MTOR: variants seen among roughly 807,000 people sequenced by gnomAD.
MTOR encodes serine/threonine-protein kinase mTOR.
A neutral mutation model predicts 319.8 loss-of-function variants in MTOR; 70 were observed. The observed-to-expected ratio is 0.22, with a 90% CI of 0.18 to 0.27. The LOEUF is 0.27. Among genes scored for constraint, MTOR ranks in the 10% least tolerant of loss-of-function variants. The pLI, the probability that MTOR is intolerant of heterozygous loss-of-function variation, is 1.00. For missense variants in MTOR, 1,890 were observed against 3,274.4 expected (o/e 0.58, Z 10.32); for synonymous variants, 1,183 against 1,211.4 (o/e 0.98, Z 0.49).
Position 11,121,197 on chromosome 1 carries a change from C to A in MTOR, c.6933+49G>T, listed in dbSNP as rs749194038. 3.1e-6 allele frequency: 5 copies of A among 1,605,764 alleles called. No individual in the cohort carries two copies. The Admixed American group carries it at 5.0e-5, about 16-fold the overall frequency. On this transcript the variant is annotated intron_variant, in intron 49 of 57. Coordinates refer to ENST00000361445, the MANE Select transcript of MTOR (RefSeq NM_004958.4). The surrounding 1 kb of genome is among the most constrained non-coding windows in gnomAD (Gnocchi z 4.9). ...AACAGATGGGAGGGCCATCCTATTG[C>A]GAGTGGGGGTTCCAGGAGAGCGCAG...
chr1:11,243,702 A>C (rs1229586836), intron 8 of MTOR, among the ~76,000 whole-genome samples: 1 of 151,608 alleles, frequency 6.6e-6, no homozygotes, highest in East Asian at 1.9e-4. Flanking sequence ...AAAAAAAAAA[A>C]CCCAAAAAAC....
At chr1:11,248,170 C>A in intron 6 of MTOR, 76 bp from the exon 7 acceptor site, 2 of 1,438,836 alleles carry the variant, frequency 1.4e-6, no homozygotes, top group Non-Finnish European at 1.9e-6. Context: ...ATTCTACAGA[C>A]AATTACATTT....
At chr1:11,257,726 T>TA (rs1650601472) in intron 3 of MTOR, among the ~76,000 whole-genome samples, 1 of 152,166 alleles carries the variant, frequency 6.6e-6, no homozygotes, top group Admixed American at 6.6e-5. Context: ...CTCATGCTAG[T>TA]ATAATTTTCT....
Position 11,127,807 on chromosome 1 carries a change from C to T in MTOR, c.6034-1G>A, listed in dbSNP as rs2100409469. ...CCACTCGGATCAGCTCCTCGCTCAC[C>T]TGAAGCCAAGAGAAGAAGGAGAGAA... On this transcript the variant is annotated splice_acceptor_variant, in intron 43 of 57. Coordinates refer to ENST00000361445, the MANE Select transcript of MTOR (RefSeq NM_004958.4). LOFTEE classifies it high-confidence loss of function. This position sits in a 1 kb window ranked among gnomAD's most constrained non-coding sequence, Gnocchi z 5.5. The T allele has an allele frequency of 6.2e-7, 1 of 1,609,936 alleles. No homozygotes were observed. The highest frequency in any genetic ancestry group is 8.5e-7 in the Non-Finnish European group (1 of 1,178,004).
rs1352606234 is a variant in MTOR at position 11,129,213 on chromosome 1, A to G, written c.5715-262T>C. 1.3e-5 allele frequency among the ~76,000 whole-genome samples: 2 copies of G among 152,218 alleles called. No homozygotes were observed. The highest frequency in any genetic ancestry group is 2.9e-5 in the Non-Finnish European group (2 of 68,040). On this transcript the variant is annotated intron_variant, in intron 40 of 57. Coordinates refer to ENST00000361445, the MANE Select transcript of MTOR (RefSeq NM_004958.4). The surrounding 1 kb of genome is among the most constrained non-coding windows in gnomAD (Gnocchi z 4.7). The stretch of plus-strand genomic sequence containing the variant: ...CATGGCATGTATGCAAACATCAAAC[A>G]GACGAGCCAGGATAACCTTTAGAAA...
intron 6 of MTOR, among the ~76,000 whole-genome samples, chr1:11,248,657 C>G (rs569161581): frequency 6.6e-6 from 1 of 151,814 alleles, no homozygotes; most frequent in South Asian, 2.1e-4. Flanking sequence ...ATTAAAAATA[C>G]AAAAAATTAG....
chr1:11,245,108 G>C (rs186334762), intron 8 of MTOR, among the ~76,000 whole-genome samples: 25 of 152,266 alleles, frequency 1.6e-4, no homozygotes, highest in African/African-American at 5.5e-4. Context: ...ATATTTAATA[G>C]AAGAAGATTT....
intron 29 of MTOR, among the ~76,000 whole-genome samples, chr1:11,166,794 CAT>C (rs1644657922): frequency 1.3e-5 from 2 of 152,156 alleles, no homozygotes; most frequent in African/African-American, 4.8e-5. Context: ...CACATGCACA[CAT>C]GAGGTTTATT....
intron 19 of MTOR, among the ~76,000 whole-genome samples, chr1:11,220,931 T>C (rs1646640165): frequency 6.6e-6 from 1 of 152,190 alleles, no homozygotes; most frequent in Non-Finnish European, 1.5e-5. Flanking sequence ...CGTTGCTAGA[T>C]AAGATTTTAT....
In MTOR at chr1:11,134,469, G is replaced by A. The variant is rs1244373772; in HGVS notation, c.5131-3C>T. ...TGCATGTGCTGGAAGGCATCGATCT[G>A]TAACAGGACAAAGGCACAGAGAGCC... On this transcript the variant is annotated splice_polypyrimidine_tract_variant and splice_region_variant and intron_variant, in intron 36 of 57. Coordinates refer to ENST00000361445, the MANE Select transcript of MTOR (RefSeq NM_004958.4). The A allele has an allele frequency of 6.2e-7, 1 of 1,613,970 alleles. No homozygotes were observed. The highest frequency in any genetic ancestry group is 8.5e-7 in the Non-Finnish European group (1 of 1,179,868).
rs147006596 is a variant in MTOR at position 11,218,608 on chromosome 1, A to G, written c.3031-2374T>C. Among the ~76,000 whole-genome samples, 1,167 of 152,194 alleles carry G rather than the reference A, an allele frequency of 7.7e-3. 9 individuals are homozygous for G. The highest frequency in any genetic ancestry group is 0.014 in the Non-Finnish European group (946 of 67,994). On this transcript the variant is annotated intron_variant, in intron 19 of 57. Transcript: ENST00000361445. ...AACTGAGAGACAGAAAGAGGAAACA[A>G]GCTTCCTGGTCCTTGGTGCCATTTT... is the stretch of plus-strand genomic sequence containing the variant.
At chr1:11,150,643 T>G (rs1644108503) in intron 30 of MTOR, among the ~76,000 whole-genome samples, 1 of 152,208 alleles carries the variant, frequency 6.6e-6, no homozygotes, top group Non-Finnish European at 1.5e-5. Context: ...CTAAAAGTAT[T>G]ATACCAATGG....
In MTOR at chr1:11,113,054, C is replaced by T. The variant is rs981789676; in HGVS notation, c.7301-137G>A. The stretch of plus-strand genomic sequence containing the variant: ...AAAAAAAGAGATGACAGACATATTA[C>T]TCAGGAATAAGTGGGTGGGTATTAG... On this transcript the variant is annotated intron_variant, in intron 53 of 57. Coordinates refer to ENST00000361445, the MANE Select transcript of MTOR (RefSeq NM_004958.4). 4 of 880,522 alleles carry T rather than the reference C, an allele frequency of 4.5e-6. No individual in the cohort carries two copies. The Admixed American group carries it at 9.7e-5, about 21-fold the overall frequency. 54.5% of individuals were successfully genotyped at this position (880,522 alleles called of 1,614,324 possible). A position where few individuals can be genotyped will look rare whatever the true frequency, so the allele number is the denominator to read the frequency against.
chr1:11,196,796 G>T (rs886548488), intron 28 of MTOR, among the ~76,000 whole-genome samples: 2 of 151,262 alleles, frequency 1.3e-5, no homozygotes, highest in Non-Finnish European at 2.9e-5. Flanking sequence ...AGGTTGCAGT[G>T]AGCCAAGATT....
In MTOR at chr1:11,212,433, T is replaced by G; in HGVS notation, c.3440A>C (p.Asp1147Ala). The G allele has an allele frequency of 6.8e-6, 11 of 1,614,096 alleles. No homozygotes were observed. Among genetic ancestry groups the G allele is most frequent in the Non-Finnish European group, 9.3e-6 (11 of 1,180,012 alleles). The change falls in exon 23 of 58, where the codon GAT (aspartate) becomes GCT (alanine). Residue 1147 changes from aspartate (D) to alanine (A), a missense_variant. By Grantham distance (126) the Asp-to-Ala change is moderately radical. Around this residue, in one of 15 missense-constraint regions of MTOR, gnomAD observed 377 missense variants for 653.9 expected, o/e 0.58. Transcript: ENST00000361445. This position sits in a 1 kb window ranked among gnomAD's most constrained non-coding sequence, Gnocchi z 4.1. ...ETVDRLTESL[D>A]FTDYASRIIH... ...GATCCGGGAGGCATAGTCAGTGAAATCCAGGGACTCCGTCAGGCGGTCCAC... is the reference window on the plus strand; with the variant it reads ...GATCCGGGAGGCATAGTCAGTGAAAGCCAGGGACTCCGTCAGGCGGTCCAC...
intron 25 of MTOR, among the ~76,000 whole-genome samples, chr1:11,206,250 T>C (rs1381478871): frequency 1.3e-5 from 2 of 152,244 alleles, no homozygotes; most frequent in South Asian, 2.1e-4. Context: ...TATACAGCAA[T>C]TGTTAAAAGC....
chr1:11,258,110 A>AG (rs1057004285), intron 3 of MTOR, among the ~76,000 whole-genome samples: 40 of 151,450 alleles, frequency 2.6e-4, no homozygotes, highest in African/African-American at 9.7e-4. Flanking sequence ...TCCATCTCAA[A>AG]AAAAAAAAAA....
In MTOR at chr1:11,106,632, T is replaced by C. The variant is rs1483719047; in HGVS notation, c.*853A>G. 2 of 1,089,740 alleles carry C rather than the reference T, an allele frequency of 1.8e-6. No individual in the cohort carries two copies. The highest frequency in any genetic ancestry group is 2.2e-6 in the Non-Finnish European group (2 of 893,242). The allele number at this position is 1,089,740 out of a possible 1,614,324, so 67.5% of individuals were successfully genotyped here. A position where few individuals can be genotyped will look rare whatever the true frequency, so the allele number is the denominator to read the frequency against. On this transcript the variant is annotated 3_prime_UTR_variant, in exon 58 of 58. Coordinates refer to ENST00000361445, the MANE Select transcript of MTOR (RefSeq NM_004958.4). ...ACACTTTATACTTTGTGCATTTAGT[T>C]GAGTATTTGTTCTGCTCATAATTTC...
intron 19 of MTOR, among the ~76,000 whole-genome samples, chr1:11,226,666 C>G (rs1355141746): frequency 6.6e-6 from 1 of 151,824 alleles, no homozygotes; most frequent in African/African-American, 2.4e-5. Context: ...CCCAGCTACT[C>G]GGGAGGCTGA....
Sources: allele counts gnomAD v4.1 joint callset (sites outside exome capture counted in the v4.1 genomes callset), GRCh38; gene constraint gnomAD v4.1.1; regional missense constraint gnomAD v4.1.1; non-coding constraint Gnocchi (gnomAD v3.1); transcripts MANE v1.5; gene names NCBI Gene and HGNC (gene_info 2026-07-23, HGNC 2026-07-21).